Variants in PHF24 observed in about 807,000 individuals in gnomAD.
The protein encoded by PHF24 is PHD finger protein 24.
In PHF24, 25 loss-of-function variants were observed where a neutral mutation model predicts 42.6. The observed-to-expected ratio is 0.59, with a 90% CI of 0.43 to 0.82. The LOEUF (loss-of-function observed/expected upper bound fraction) is 0.82, where lower values mean the gene tolerates loss of function less well. PHF24 is among the 40% of genes least tolerant of loss of function. The probability of loss-of-function intolerance (pLI) is 0.00; values close to 1 mark genes in which losing one functional copy is unlikely to be tolerated. For missense variants in PHF24, 470 were observed against 538.1 expected, an observed-to-expected ratio of 0.87 and a Z score of 1.25; for synonymous variants, 185 against 204.8, an observed-to-expected ratio of 0.90 and a Z score of 0.83.
At chr9:34,758,768 C>T in the PHF24 span, among the ~76,000 whole-genome samples, 1 of 152,122 alleles carries the variant, frequency 6.6e-6, no homozygotes, top group Non-Finnish European at 1.5e-5. This position sits in a 1 kb window ranked among gnomAD's most constrained non-coding sequence, Gnocchi z 4.4. Flanking sequence ...GAATATTAGG[C>T]AGCTCTCTAT....
the PHF24 span, chr9:34,709,987 C>A: frequency 6.2e-7 from 1 of 1,614,126 alleles, no homozygotes; most frequent in Non-Finnish European, 8.5e-7. Context: ...AAGGCCCCTC[C>A]CTGCCTTGGT....
At chr9:34,972,616 C>A in intron 3 of PHF24, 85 bp downstream of exon 3, 1 of 1,371,154 alleles carries the variant, frequency 7.3e-7, no homozygotes, top group Non-Finnish European at 9.9e-7. Flanking sequence ...AGGCAGTGAC[C>A]TAAAGAATTT....
At chr9:34,731,241 A>G in the PHF24 span, among the ~76,000 whole-genome samples, 1 of 152,216 alleles carries the variant, frequency 6.6e-6, no homozygotes, top group African/African-American at 2.4e-5. Flanking sequence ...TAAATGGGGT[A>G]TCCATCACCT....
the PHF24 span, among the ~76,000 whole-genome samples, chr9:34,916,936 C>A: frequency 6.6e-6 from 1 of 152,164 alleles, no homozygotes; most frequent in Non-Finnish European, 1.5e-5. Flanking sequence ...GTTTCTTATG[C>A]AAATTGTTCC....
chr9:34,697,748 G>A, the PHF24 span, among the ~76,000 whole-genome samples: 14 of 152,292 alleles, frequency 9.2e-5, no homozygotes, highest in African/African-American at 2.9e-4. Flanking sequence ...GTACACCTCC[G>A]AAGGGCCCAG....
the PHF24 span, chr9:34,690,424 C>CTG: frequency 0.27 from 161,852 of 599,490 alleles, 11,056 homozygotes; most frequent in East Asian, 0.38. Flanking sequence ...TTGAGGACAC[C>CTG]TGTGTGTGTG....
the PHF24 span, among the ~76,000 whole-genome samples, chr9:34,949,047 T>C: frequency 6.6e-6 from 1 of 152,162 alleles, no homozygotes; most frequent in Non-Finnish European, 1.5e-5. Flanking sequence ...CTAGTATTAC[T>C]AAAAGTCAAA....
At chr9:34,947,112 T>C in the PHF24 span, among the ~76,000 whole-genome samples, 400 of 152,348 alleles carry the variant, frequency 2.6e-3, 5 homozygotes, top group South Asian at 0.023. Flanking sequence ...CAGGGTGAGC[T>C]TGAGACTCGG....
the PHF24 span, among the ~76,000 whole-genome samples, chr9:34,829,036 A>G: frequency 2.0e-5 from 3 of 151,988 alleles, no homozygotes; most frequent in African/African-American, 7.3e-5. Flanking sequence ...TGGTGTCAGG[A>G]TAAAATGGGG....
At chr9:34,689,655 C>T in the PHF24 span, 1 of 749,260 alleles carries the variant, frequency 1.3e-6, no homozygotes, top group Non-Finnish European at 2.3e-6. This position sits in a 1 kb window ranked among gnomAD's most constrained non-coding sequence, Gnocchi z 4.1. Context: ...CACCCTCTCG[C>T]TCACACTCAC....
the PHF24 span, among the ~76,000 whole-genome samples, chr9:34,920,518 T>G: frequency 6.6e-6 from 1 of 152,282 alleles, no homozygotes; most frequent in East Asian, 1.9e-4. Context: ...TTTAAGATTA[T>G]TTTTTCTATT....
chr9:34,909,306 T>C, the PHF24 span, among the ~76,000 whole-genome samples: 4 of 152,150 alleles, frequency 2.6e-5, no homozygotes, highest in African/African-American at 9.7e-5. Flanking sequence ...CTAATTTGTT[T>C]AGTTTTGTCT....
chr9:34,683,153 T>C, the PHF24 span, among the ~76,000 whole-genome samples: 1 of 152,040 alleles, frequency 6.6e-6, no homozygotes, highest in East Asian at 1.9e-4. Context: ...CTTTGCCTCC[T>C]GGGTTCAAGA....
chr9:34,869,676 T>TA, the PHF24 span, among the ~76,000 whole-genome samples: 1 of 152,214 alleles, frequency 6.6e-6, no homozygotes, highest in East Asian at 1.9e-4. Context: ...TGCCTGCATA[T>TA]ATCTTACTAC....
At chr9:34,906,558 C>T in the PHF24 span, among the ~76,000 whole-genome samples, 1 of 150,018 alleles carries the variant, frequency 6.7e-6, no homozygotes, top group African/African-American at 2.5e-5. Context: ...GCAGGTGAAT[C>T]GCTTGAACCC....
At chr9:34,741,973 C>T in the PHF24 span, among the ~76,000 whole-genome samples, 1 of 152,008 alleles carries the variant, frequency 6.6e-6, no homozygotes, top group African/African-American at 2.4e-5. Flanking sequence ...ATGTACTTGT[C>T]GAGAAAACTC....
At chr9:34,888,893 C>G in the PHF24 span, among the ~76,000 whole-genome samples, 3 of 152,178 alleles carry the variant, frequency 2.0e-5, no homozygotes, top group Non-Finnish European at 4.4e-5. Context: ...TCTGTCAAGT[C>G]CCTTTATCCA....
At chr9:34,936,939 G>A in the PHF24 span, among the ~76,000 whole-genome samples, 3 of 147,024 alleles carry the variant, frequency 2.0e-5, no homozygotes, top group Admixed American at 6.8e-5. Context: ...GAAGTGAGGA[G>A]CGTCTCCACC....
At chr9:34,678,766 G>A in the PHF24 span, among the ~76,000 whole-genome samples, 1 of 152,060 alleles carries the variant, frequency 6.6e-6, no homozygotes, top group Non-Finnish European at 1.5e-5. Context: ...GAGTCTCTGG[G>A]ACTACAGGCA....
Sources: gnomAD v4.1 joint callset for allele counts (sites outside exome capture counted in the v4.1 genomes callset) on GRCh38, gnomAD v4.1.1 for gene constraint, Gnocchi (gnomAD v3.1) non-coding constraint, MANE v1.5 for transcripts, NCBI Gene and HGNC (gene_info 2026-07-23, HGNC 2026-07-21) for gene names.